SOBP: variants seen among roughly 807,000 people sequenced by gnomAD.
SOBP encodes sine oculis binding protein homolog, also known as sine oculis-binding protein homolog.
Under a neutral mutation model 53.6 loss-of-function variants are expected in SOBP, and 4 were observed. That is an observed-to-expected ratio of 0.07 (90% CI 0.04 to 0.17). SOBP has a LOEUF of 0.17. Ranked by LOEUF, SOBP falls within the 10% of genes least tolerant of loss-of-function variation. The probability of loss-of-function intolerance (pLI) is 1.00; values close to 1 mark genes in which losing one functional copy is unlikely to be tolerated. For synonymous variants in SOBP, 584 were observed against 522.6 expected, an observed-to-expected ratio of 1.12 and a Z score of -1.60; for missense variants, 1,088 against 1,204.7, an observed-to-expected ratio of 0.90 and a Z score of 1.43.
At position 107,598,137 on chromosome 6, in the gene SOBP, TAAG is replaced by T. The variant is rs143356068; in HGVS notation, c.669+10966_669+10968del. On this transcript the variant is annotated intron_variant, in intron 5 of 6. Transcript: ENST00000317357. Reference sequence around the variant, plus strand: ...TAATGTAAAATGTGCATCCTTCTCATAAGAAGTTTACAGATTTGGGCTAGACAA... The same window carrying T: ...TAATGTAAAATGTGCATCCTTCTCATAAGTTTACAGATTTGGGCTAGACAA... Among the ~76,000 whole-genome samples, 831 of 152,158 alleles carry T rather than the reference TAAG, an allele frequency of 5.5e-3. 6 individuals are homozygous for T. Among genetic ancestry groups the T allele is most frequent in the African/African-American group, 0.019 (784 of 41,502 alleles).
At chr6:107,609,802 G>A (rs956087633) in intron 5 of SOBP, among the ~76,000 whole-genome samples, 17 of 152,204 alleles carry the variant, frequency 1.1e-4, no homozygotes, top group African/African-American at 2.9e-4. Flanking sequence ...CTAGGGGAGC[G>A]CTAAAGTGGG....
rs954543724 is a variant in SOBP at position 107,634,295 on chromosome 6, C to A, written c.1451C>A (p.Pro484Gln). 6.4e-7 allele frequency: 1 copy of A among 1,564,100 alleles called. No individual in the cohort carries two copies. The highest frequency in any genetic ancestry group is 8.6e-7 in the Non-Finnish European group (1 of 1,161,626). The change falls in exon 6 of 7, where the codon CCG becomes CAG. Residue 484 changes from proline to glutamine, a missense_variant. By Grantham distance (76) the Pro-to-Gln change is moderately conservative. Around this residue, in one of 6 missense-constraint regions of SOBP, gnomAD observed 665 missense variants for 629.7 expected, o/e 1.06. Coordinates refer to ENST00000317357, the MANE Select transcript of SOBP (RefSeq NM_018013.4). The surrounding 1 kb of genome is among the most constrained non-coding windows in gnomAD (Gnocchi z 4.5). ...CTGCCCCCGCCGCCTCCGGGCGCCC[C>A]GCTGCCGAGTCTTCCCTTCCCGCCA... is the stretch of plus-strand genomic sequence containing the variant. ...GLLPPPPPGA[P>Q]LPSLPFPPVS...
intron 6 of SOBP, among the ~76,000 whole-genome samples, chr6:107,642,211 GTTC>G (rs1771358217): frequency 1.3e-5 from 2 of 152,112 alleles, no homozygotes; most frequent in East Asian, 1.9e-4. Context: ...ACTGCAGAGA[GTTC>G]TTCTCCAGAT....
intron 1 of SOBP, among the ~76,000 whole-genome samples, chr6:107,498,287 G>T (rs1782749436): frequency 6.6e-6 from 1 of 152,108 alleles, no homozygotes; most frequent in Admixed American, 6.6e-5. Context: ...AGTGATTGGG[G>T]GCTCTTTGAA....
At chr6:107,650,346 T>C (rs528345499) in intron 6 of SOBP, among the ~76,000 whole-genome samples, 1 of 152,346 alleles carries the variant, frequency 6.6e-6, no homozygotes, top group South Asian at 2.1e-4. Flanking sequence ...GGAATGTTTT[T>C]CAGTTGCAGG....
At chr6:107,548,375 T>TA (rs1326068664) in intron 4 of SOBP, among the ~76,000 whole-genome samples, 3 of 151,666 alleles carry the variant, frequency 2.0e-5, no homozygotes, top group Non-Finnish European at 4.4e-5. Context: ...CCCGAGCAGC[T>TA]GGGACTACAG....
intron 3 of SOBP, chr6:107,529,712 TCAAA>T: frequency 1.5e-6 from 1 of 649,852 alleles, no homozygotes; most frequent in South Asian, 6.9e-5. Context: ...AGGCAATTTC[TCAAA>T]CAACTTCAGC....
chr6:107,545,699 GCTAC>G (rs1255523100), intron 4 of SOBP, among the ~76,000 whole-genome samples: 1 of 151,948 alleles, frequency 6.6e-6, no homozygotes, highest in Non-Finnish European at 1.5e-5. Context: ...TATAAGGCTA[GCTAC>G]ACCTTTACCT....
At chr6:107,500,974 C>T (rs1782831731) in intron 1 of SOBP, among the ~76,000 whole-genome samples, 1 of 152,110 alleles carries the variant, frequency 6.6e-6, no homozygotes, top group African/African-American at 2.4e-5. Flanking sequence ...TTCATGAAAG[C>T]TTTGAGATTT....
intron 4 of SOBP, among the ~76,000 whole-genome samples, chr6:107,583,693 TTTTTG>T (rs1171538818): frequency 6.6e-6 from 1 of 151,918 alleles, no homozygotes; most frequent in Non-Finnish European, 1.5e-5. Context: ...ACCTGGCTAG[TTTTTG>T]TTTTGTTTTG....
intron 3 of SOBP, among the ~76,000 whole-genome samples, chr6:107,523,527 A>G (rs568128307): frequency 5.3e-5 from 8 of 152,340 alleles, no homozygotes; most frequent in African/African-American, 1.9e-4. Flanking sequence ...AAAGGAGCTG[A>G]GGAGGAGAAC....
At chr6:107,523,698 A>G (rs1783579353) in intron 3 of SOBP, among the ~76,000 whole-genome samples, 2 of 152,222 alleles carry the variant, frequency 1.3e-5, no homozygotes, top group South Asian at 2.1e-4. Flanking sequence ...CTCTTCTGTC[A>G]TGATGGGCTG....
At chr6:107,561,873 G>T (rs898405893) in intron 4 of SOBP, among the ~76,000 whole-genome samples, 1 of 152,150 alleles carries the variant, frequency 6.6e-6, no homozygotes, top group East Asian at 1.9e-4. Flanking sequence ...AAGAACGACA[G>T]AAAGAAATAG....
Position 107,603,606 on chromosome 6 carries a change from G to C in SOBP, c.669+16431G>C, listed in dbSNP as rs17068371. Among the ~76,000 whole-genome samples, 1,588 of 152,306 alleles carry C rather than the reference G, an allele frequency of 0.01. 52 individuals carry two copies. In the East Asian group the frequency reaches 0.11, roughly 11 times the overall value. ...GAAAACTGTCTCAAAAGCAGCTTAA[G>C]TACGATGTAATGGAAGCCCCCCAAA... is the stretch of plus-strand genomic sequence containing the variant. On this transcript the variant is annotated intron_variant, in intron 5 of 6. Coordinates refer to ENST00000317357, the MANE Select transcript of SOBP (RefSeq NM_018013.4).
At chr6:107,551,422 A>G (rs749336677) in intron 4 of SOBP, among the ~76,000 whole-genome samples, 4 of 152,226 alleles carry the variant, frequency 2.6e-5, no homozygotes, top group Non-Finnish European at 4.4e-5. Context: ...GTACGCACAC[A>G]CACACAAACT....
At chr6:107,620,638 C>A (rs944163071) in intron 5 of SOBP, among the ~76,000 whole-genome samples, 1 of 152,192 alleles carries the variant, frequency 6.6e-6, no homozygotes, top group Admixed American at 6.5e-5. Flanking sequence ...TGTTCCTGCC[C>A]ACTTTTGGAA....
chr6:107,520,056 A>G (rs140694673), intron 3 of SOBP, among the ~76,000 whole-genome samples: 1 of 152,340 alleles, frequency 6.6e-6, no homozygotes, highest in Non-Finnish European at 1.5e-5. Flanking sequence ...ATGAAAGAGT[A>G]AAAAGGGCAC....
At chr6:107,530,011 A>G (rs1191205802) in intron 3 of SOBP, among the ~76,000 whole-genome samples, 1 of 152,182 alleles carries the variant, frequency 6.6e-6, no homozygotes, top group Non-Finnish European at 1.5e-5. Flanking sequence ...TGGGAATGTG[A>G]TTTAATGCTG....
At chr6:107,626,834 A>G (rs1181530890) in intron 5 of SOBP, among the ~76,000 whole-genome samples, 2 of 151,870 alleles carry the variant, frequency 1.3e-5, no homozygotes, top group African/African-American at 4.8e-5. Flanking sequence ...CAGGGTCGTC[A>G]CTGTGGATGA....
Sources: gnomAD v4.1 joint callset for allele counts (sites outside exome capture counted in the v4.1 genomes callset) on GRCh38, gnomAD v4.1.1 for gene constraint, gnomAD v4.1.1 regional missense constraint, Gnocchi (gnomAD v3.1) non-coding constraint, MANE v1.5 for transcripts, NCBI Gene and HGNC (gene_info 2026-07-23, HGNC 2026-07-21) for gene names.